The following RTN1 variants were observed in gnomAD, a reference collection of about 807,000 sequenced individuals.
The protein encoded by RTN1 is reticulon-1.
RTN1 carries 25 observed loss-of-function variants against 65.5 expected under a neutral mutation model. The observed-to-expected ratio is 0.38, with a 90% CI of 0.28 to 0.53. RTN1 has a LOEUF of 0.53. Ranked by LOEUF, RTN1 falls within the 20% of genes least tolerant of loss-of-function variation. The pLI is 0.79. For synonymous variants in RTN1, 471 were observed against 447.6 expected, an observed-to-expected ratio of 1.05 and a Z score of -0.66; for missense variants, 983 against 1,025.4, an observed-to-expected ratio of 0.96 and a Z score of 0.57.
intron 3 of RTN1, among the ~76,000 whole-genome samples, chr14:59,647,903 A>G (rs192770249): frequency 5.3e-5 from 8 of 152,204 alleles, no homozygotes; most frequent in Admixed American, 3.9e-4. Flanking sequence ...GAGCAAACCA[A>G]CTCCAGAGCT....
chr14:59,801,305 T>C lies in RTN1; in HGVS notation c.242-54824A>G, dbSNP rs565743829. 2.6e-5 allele frequency among the ~76,000 whole-genome samples: 4 copies of C among 152,240 alleles called. 1 individual carries two copies. The South Asian group carries it at 8.3e-4, about 32-fold the overall frequency. On this transcript the variant is annotated intron_variant, in intron 1 of 8. Coordinates refer to ENST00000267484, the MANE Select transcript of RTN1 (RefSeq NM_021136.3). ...TAAACCAATATGTCTAGATACACCATAGTCAGTCTGCTGAGAACTAAAGAC... is the reference window on the plus strand; with the variant it reads ...TAAACCAATATGTCTAGATACACCACAGTCAGTCTGCTGAGAACTAAAGAC...
chr14:59,666,308 A>T (rs1450965409), intron 3 of RTN1, among the ~76,000 whole-genome samples: 1 of 152,206 alleles, frequency 6.6e-6, no homozygotes, highest in East Asian at 1.9e-4. Flanking sequence ...ACACAACTAC[A>T]TGGAAACTGA....
chr14:59,736,394 C>T (rs1272242017), intron 2 of RTN1, among the ~76,000 whole-genome samples: 1 of 152,080 alleles, frequency 6.6e-6, no homozygotes, highest in African/African-American at 2.4e-5. Context: ...ATACTATAAA[C>T]ACCTCTATGC....
rs1885210441 is a variant in RTN1, at chr14:59,745,939, G to C, written c.784C>G (p.Pro262Ala). 11 of 1,614,078 alleles carry C rather than the reference G, an allele frequency of 6.8e-6. No individual in the cohort carries two copies. Among genetic ancestry groups the C allele is most frequent in the Non-Finnish European group, 9.3e-6 (11 of 1,180,010 alleles). ...TCTTCAGAGAGATCATCTATGTATG[G>C]AGCAAATGTGGATTCTTCCAATAAA... ...DHLLEESTFA[P>A]YIDDLSEEQR... The change falls in exon 2 of 9, where the codon CCA (proline) becomes GCA (alanine). Residue 262 changes from proline to alanine, a missense_variant. By Grantham distance (27) the Pro-to-Ala change is conservative (BLOSUM62 -1). This residue lies in a region of RTN1 where 818 missense variants were observed against 801.8 expected (regional missense o/e 1.02). Transcript: ENST00000267484.
rs1886012687 is a variant in RTN1 at position 59,774,356 on chromosome 14, C to T, written c.242-27875G>A. Among the ~76,000 whole-genome samples, 1 of 152,144 alleles carries T rather than the reference C, an allele frequency of 6.6e-6. No homozygotes were observed. Among genetic ancestry groups the T allele is most frequent in the South Asian group, 2.1e-4 (1 of 4,832 alleles). On this transcript the variant is annotated intron_variant, in intron 1 of 8. Transcript: ENST00000267484. This position sits in a 1 kb window ranked among gnomAD's most constrained non-coding sequence, Gnocchi z 5.1. ...AAAATGATTTATAATCTATACAACA[C>T]TATAGATTATTATAATTTGGCTCTG...
intron 1 of RTN1, among the ~76,000 whole-genome samples, chr14:59,807,199 G>A (rs1886654618): frequency 6.6e-6 from 1 of 152,186 alleles, no homozygotes; most frequent in Admixed American, 6.5e-5. Context: ...TGACAGTGAG[G>A]TGGCATGTGG....
Position 59,603,082 on chromosome 14 carries a change from T to C in RTN1, c.2271A>G (p.Ile757Met). ...TGACTTACTTTGCCACAACAGCATTTATGTGAGTCCTCACAAGTCCCAGAT... is the reference window on the plus strand; with the variant it reads ...TGACTTACTTTGCCACAACAGCATTCATGTGAGTCCTCACAAGTCCCAGAT... ...DQYLGLVRTHINAVVAKIQAK... is the reference protein window; with the variant it reads ...DQYLGLVRTHMNAVVAKIQAK... Residue 757 changes from isoleucine to methionine, a missense_variant, in exon 8 of 9, where the codon ATA becomes ATG. By Grantham distance (10) the Ile-to-Met change is conservative (BLOSUM62 1). This residue lies in a region of RTN1 where 165 missense variants were observed against 223.6 expected (regional missense o/e 0.74). Coordinates refer to ENST00000267484, the MANE Select transcript of RTN1 (RefSeq NM_021136.3). 1 of 1,613,614 alleles carries C rather than the reference T, an allele frequency of 6.2e-7. No homozygotes were observed. The highest frequency in any genetic ancestry group is 8.5e-7 in the Non-Finnish European group (1 of 1,179,770).
At chr14:59,712,151 C>CT (rs1884437061) in intron 3 of RTN1, among the ~76,000 whole-genome samples, 4 of 152,040 alleles carry the variant, frequency 2.6e-5, no homozygotes, top group Non-Finnish European at 5.9e-5. Context: ...TGTAGTATGG[C>CT]CTAACAGAGT....
chr14:59,623,981 T>C (rs1204692062), intron 3 of RTN1, among the ~76,000 whole-genome samples: 3 of 152,208 alleles, frequency 2.0e-5, no homozygotes, highest in Non-Finnish European at 2.9e-5. Context: ...ATGACCACAT[T>C]TAAAGCATTT....
intron 3 of RTN1, among the ~76,000 whole-genome samples, chr14:59,725,220 T>C (rs1884732452): frequency 6.6e-6 from 1 of 152,240 alleles, no homozygotes; most frequent in African/African-American, 2.4e-5. Flanking sequence ...TCCTTGTCTC[T>C]CAATAGGCCT....
intron 2 of RTN1, among the ~76,000 whole-genome samples, chr14:59,742,849 C>T (rs1237031422): frequency 6.6e-6 from 1 of 152,118 alleles, no homozygotes; most frequent in Non-Finnish European, 1.5e-5. Context: ...TCTATGGGCA[C>T]AGTGTCACAT....
chr14:59,734,002 T>A (rs1175059257), intron 2 of RTN1, among the ~76,000 whole-genome samples: 1 of 151,918 alleles, frequency 6.6e-6, no homozygotes, highest in African/African-American at 2.4e-5. Context: ...AGGTCAGCAC[T>A]CCCCTGGGAT....
chr14:59,720,636 T>C (rs1206350592), intron 3 of RTN1, among the ~76,000 whole-genome samples: 2 of 151,662 alleles, frequency 1.3e-5, no homozygotes, highest in Non-Finnish European at 2.9e-5. Context: ...AGCAGGAGAA[T>C]TGCTTGAACC....
intron 1 of RTN1, among the ~76,000 whole-genome samples, chr14:59,781,253 G>A (rs1006165605): frequency 6.6e-6 from 1 of 151,858 alleles, no homozygotes; most frequent in Non-Finnish European, 1.5e-5. Flanking sequence ...AAAAAACAGA[G>A]CAACACCTCT....
intron 2 of RTN1, among the ~76,000 whole-genome samples, chr14:59,732,293 T>G (rs1884914898): frequency 6.6e-6 from 1 of 152,156 alleles, no homozygotes; most frequent in African/African-American, 2.4e-5. Flanking sequence ...AAGTTAATCC[T>G]GAAGAAGTAG....
chr14:59,727,807 C>CA lies in RTN1; in HGVS notation c.1016-140dup, dbSNP rs1389579882. On this transcript the variant is annotated intron_variant, in intron 2 of 8. Coordinates refer to ENST00000267484, the MANE Select transcript of RTN1 (RefSeq NM_021136.3). The surrounding 1 kb of genome is among the most constrained non-coding windows in gnomAD (Gnocchi z 4.2). Reference sequence around the variant, plus strand: ...TTGAGAAACACATATCTCATTAGCACAAAAATAATCTGTTTCCAGGGCTAT... The same window carrying CA: ...TTGAGAAACACATATCTCATTAGCACAAAAAATAATCTGTTTCCAGGGCTAT... 8.2e-7 allele frequency: 1 copy of CA among 1,217,932 alleles called. No homozygotes were observed. Among genetic ancestry groups the CA allele is most frequent in the African/African-American group, 1.5e-5 (1 of 64,904 alleles). The allele number at this position is 1,217,932 out of a possible 1,614,324, so 75.4% of individuals were successfully genotyped here.
At chr14:59,832,835 C>A (rs547819355) in intron 1 of RTN1, among the ~76,000 whole-genome samples, 2 of 152,130 alleles carry the variant, frequency 1.3e-5, no homozygotes, top group Non-Finnish European at 2.9e-5. Context: ...AGACAGGTTC[C>A]GGAGATTTAT....
intron 3 of RTN1, chr14:59,630,536 C>T: frequency 6.2e-7 from 1 of 1,612,726 alleles, no homozygotes; most frequent in Middle Eastern, 1.7e-4. Context: ...CGCCGTGGCT[C>T]TCCTCGGGGG....
intron 3 of RTN1, among the ~76,000 whole-genome samples, chr14:59,662,362 C>A (rs1249492468): frequency 6.8e-6 from 1 of 146,800 alleles, no homozygotes; most frequent in African/African-American, 2.5e-5. Context: ...TTCCTGTGTC[C>A]AAGTGTTCTC....
Sources: gnomAD v4.1 joint callset for allele counts (sites outside exome capture counted in the v4.1 genomes callset) on GRCh38, gnomAD v4.1.1 for gene constraint, gnomAD v4.1.1 regional missense constraint, Gnocchi (gnomAD v3.1) non-coding constraint, MANE v1.5 for transcripts, NCBI Gene and HGNC (gene_info 2026-07-23, HGNC 2026-07-21) for gene names.